Variants in KALRN observed in about 807,000 individuals in gnomAD.
KALRN encodes the protein kalirin RhoGEF kinase, also known as kalirin.
KALRN carries 70 observed loss-of-function variants against 353.7 expected under a neutral mutation model. The observed-to-expected ratio is 0.20, with a 90% CI of 0.16 to 0.24. The LOEUF is 0.24. KALRN is among the 10% of genes least tolerant of loss of function. The pLI is 1.00. For synonymous variants in KALRN, 1,391 were observed against 1,434.8 expected (o/e 0.97, Z 0.69); for missense variants, 2,791 against 3,756.7 (o/e 0.74, Z 6.72).
At chr3:124,135,338 G>C (rs1323002707) in intron 1 of KALRN, among the ~76,000 whole-genome samples, 1 of 152,108 alleles carries the variant, frequency 6.6e-6, no homozygotes, top group African/African-American at 2.4e-5. Flanking sequence ...AGGACACAAA[G>C]GCATAAGAAT....
At chr3:124,159,114 C>G (rs1015878341) in intron 1 of KALRN, among the ~76,000 whole-genome samples, 1 of 152,192 alleles carries the variant, frequency 6.6e-6, no homozygotes, top group South Asian at 2.1e-4. Flanking sequence ...AAATTCCAGG[C>G]TTATTTGTAC....
intron 1 of KALRN, among the ~76,000 whole-genome samples, chr3:124,108,838 A>G (rs2062567892): frequency 6.6e-6 from 1 of 152,176 alleles, no homozygotes; most frequent in African/African-American, 2.4e-5. Flanking sequence ...ATACTACCTC[A>G]TAAGGCTTTG....
chr3:124,496,018 C>T (rs34665063), intron 32 of KALRN, among the ~76,000 whole-genome samples: 4,295 of 33,248 alleles, frequency 0.13, 710 homozygotes, highest in East Asian at 0.24. Flanking sequence ...TATATACACA[C>T]ACATATATAC....
At chr3:124,718,424 C>T (rs1006056533) in intron 59 of KALRN, among the ~76,000 whole-genome samples, 1 of 152,038 alleles carries the variant, frequency 6.6e-6, no homozygotes, top group Non-Finnish European at 1.5e-5. Flanking sequence ...CCCGGCCTCC[C>T]CATTATGACT....
At chr3:124,408,911 G>T (rs1285732397) in intron 13 of KALRN, among the ~76,000 whole-genome samples, 3 of 152,186 alleles carry the variant, frequency 2.0e-5, no homozygotes, top group Admixed American at 2.0e-4. Flanking sequence ...AGCAAATTTT[G>T]ATGGCAGAAT....
At chr3:124,423,322 A>G (rs2092868692) in intron 15 of KALRN, among the ~76,000 whole-genome samples, 2 of 152,198 alleles carry the variant, frequency 1.3e-5, no homozygotes, top group Admixed American at 1.3e-4. Context: ...TTATCAATAA[A>G]TATATTTAGG....
chr3:124,202,414 C>T (rs552324325), intron 1 of KALRN, among the ~76,000 whole-genome samples: 1 of 152,168 alleles, frequency 6.6e-6, no homozygotes, highest in African/African-American at 2.4e-5. Flanking sequence ...CCATGCCCAG[C>T]TAATTTTTGT....
chr3:124,707,359 A>G (rs2150741176), intron 57 of KALRN, among the ~76,000 whole-genome samples: 1 of 152,196 alleles, frequency 6.6e-6, no homozygotes, highest in South Asian at 2.1e-4. Flanking sequence ...TAAAGTAAAA[A>G]CTTGAAGAAT....
At chr3:124,708,617 A>C (rs1435741427) in intron 57 of KALRN, among the ~76,000 whole-genome samples, 1 of 152,178 alleles carries the variant, frequency 6.6e-6, no homozygotes, top group African/African-American at 2.4e-5. Context: ...TATTAGACGT[A>C]ACCCCAGGGA....
chr3:124,138,412 TG>T (rs1470145789), intron 1 of KALRN, among the ~76,000 whole-genome samples: 1 of 152,224 alleles, frequency 6.6e-6, no homozygotes, highest in East Asian at 1.9e-4. Context: ...GAGGTTCTGT[TG>T]CCTTGACAAC....
chr3:124,152,578 TTTC>T (rs2068290759), intron 1 of KALRN: 2 of 595,900 alleles, frequency 3.4e-6, no homozygotes, highest in African/African-American at 2.4e-5. Flanking sequence ...TTTTCTTTTC[TTTC>T]TTTCTTTCTT....
rs199971953 is a variant in KALRN at position 124,657,568 on chromosome 3, C to T, written c.5966+17C>T. 2.5e-6 allele frequency: 4 copies of T among 1,581,354 alleles called. No homozygotes were observed. In the African/African-American group the frequency reaches 5.4e-5, roughly 21 times the overall value. ...GCATAAGGAGTAAGTGTTAATGCTG[C>T]CCCGAGGATCCAGTGTCCTGGGAAT... On this transcript the variant is annotated intron_variant, in intron 40 of 59. Transcript: ENST00000682506.
chr3:124,084,731 A>G (rs1467281034), intron 1 of KALRN, among the ~76,000 whole-genome samples: 1 of 152,156 alleles, frequency 6.6e-6, no homozygotes, highest in African/African-American at 2.4e-5. Flanking sequence ...ATATGAGTGG[A>G]TTGCCAATTA....
At chr3:124,153,725 G>A (rs1371423242) in intron 1 of KALRN, among the ~76,000 whole-genome samples, 1 of 151,750 alleles carries the variant, frequency 6.6e-6, no homozygotes, top group East Asian at 1.9e-4. Flanking sequence ...CTAGTTTACA[G>A]TCCCACCAAC....
In KALRN at chr3:124,721,335, G is replaced by A. The variant is rs982233264; in HGVS notation, c.*1865G>A. On this transcript the variant is annotated 3_prime_UTR_variant, in exon 60 of 60. Transcript: ENST00000682506. ...AACCAAATATATGGAAACCGACTCC[G>A]ACTGTATTTGTTTCTTAATTTTCAA... 6.6e-6 allele frequency: 1 copy of A among 152,078 alleles called. No homozygotes were observed. Among genetic ancestry groups the A allele is most frequent in the African/African-American group, 2.4e-5 (1 of 41,432 alleles). 9.4% of individuals were successfully genotyped at this position (152,078 alleles called of 1,614,324 possible).
chr3:124,606,443 G>A (rs764510187), intron 34 of KALRN, among the ~76,000 whole-genome samples: 6 of 152,194 alleles, frequency 3.9e-5, no homozygotes, highest in Non-Finnish European at 8.8e-5. Context: ...GCCATGTGAT[G>A]TGTGGCAAGG....
chr3:124,181,884 T>A (rs576623418), intron 1 of KALRN, among the ~76,000 whole-genome samples: 28 of 152,238 alleles, frequency 1.8e-4, no homozygotes, highest in Admixed American at 1.0e-3. Flanking sequence ...AGTATTCCCA[T>A]GTGTTTTAGG....
rs767392443 is a variant in KALRN, at chr3:124,723,644, C to G, written c.*4174C>G. On this transcript the variant is annotated 3_prime_UTR_variant, in exon 60 of 60. Transcript: ENST00000682506. ...TTTTCAGTTGGAAGTATCAGGTGCT[C>G]TTTGTCTAAATGTTATTTGGTCTTA... is the stretch of plus-strand genomic sequence containing the variant. The G allele has an allele frequency of 1.3e-5, 2 of 152,242 alleles. No individual in the cohort carries two copies. Among genetic ancestry groups the G allele is most frequent in the East Asian group, 3.9e-4 (2 of 5,190 alleles). 9.4% of individuals were successfully genotyped at this position (152,242 alleles called of 1,614,324 possible).
chr3:124,298,454 C>T (rs2077015616), intron 5 of KALRN, among the ~76,000 whole-genome samples: 3 of 152,176 alleles, frequency 2.0e-5, no homozygotes, highest in South Asian at 4.1e-4. Flanking sequence ...TTAAGCCTCC[C>T]AGCTTGTCTC....
Sources: allele counts gnomAD v4.1 joint callset (sites outside exome capture counted in the v4.1 genomes callset), GRCh38; gene constraint gnomAD v4.1.1; transcripts MANE v1.5; gene names NCBI Gene and HGNC (gene_info 2026-07-23, HGNC 2026-07-21).